KCNG3: variants seen among roughly 807,000 people sequenced by gnomAD.
KCNG3 encodes potassium voltage-gated channel modifier subfamily G member 3, also known as voltage-gated potassium channel regulatory subunit KCNG3.
Under a neutral mutation model 29.0 loss-of-function variants are expected in KCNG3, and 15 were observed. That is an observed-to-expected ratio of 0.52 (90% confidence interval 0.35 to 0.80). KCNG3 has a LOEUF of 0.80. Ranked by LOEUF, KCNG3 falls within the 30% of genes least tolerant of loss-of-function variation. The pLI is 0.01. For synonymous variants in KCNG3, 322 were observed against 248.9 expected, an observed-to-expected ratio of 1.29 and a Z score of -2.76; for missense variants, 512 against 605.7, an observed-to-expected ratio of 0.85 and a Z score of 1.62.
chr2:42,483,526 C>T (rs1232243376), intron 1 of KCNG3, among the ~76,000 whole-genome samples: 2 of 152,304 alleles, frequency 1.3e-5, no homozygotes, highest in Non-Finnish European at 2.9e-5. Context: ...GCGCCACTGA[C>T]CCACTGTGTG....
rs74363642 is a variant in KCNG3, at chr2:42,454,021, T to A, written c.666-9442A>T. ...AAAGTTAATAAGGCCAATGAGCATA[T>A]GAAAAGATGCCCAACATTATTAATC... is the stretch of plus-strand genomic sequence containing the variant. On this transcript the variant is annotated intron_variant, in intron 1 of 1. Coordinates refer to ENST00000306078, the MANE Select transcript of KCNG3 (RefSeq NM_133329.6). 6.4e-3 allele frequency among the ~76,000 whole-genome samples: 969 copies of A among 150,704 alleles called. 9 individuals are homozygous for A. Among genetic ancestry groups the A allele is most frequent in the African/African-American group, 0.023 (931 of 40,972 alleles).
downstream of KCNG3, among the ~76,000 whole-genome samples, chr2:42,439,324 C>T (rs1336425711): frequency 4.0e-5 from 6 of 151,800 alleles, no homozygotes; most frequent in East Asian, 3.9e-4. Context: ...TACAGTGGCA[C>T]GATCTCAGCT....
At chr2:42,410,672 A>T in the KCNG3 span, among the ~76,000 whole-genome samples, 3 of 152,144 alleles carry the variant, frequency 2.0e-5, no homozygotes, top group Admixed American at 2.0e-4. Context: ...TTTATTGATT[A>T]TTGATCATAA....
the KCNG3 span, among the ~76,000 whole-genome samples, chr2:42,429,060 G>A: frequency 1.3e-5 from 2 of 151,882 alleles, no homozygotes; most frequent in African/African-American, 2.4e-5. Flanking sequence ...GGGAGGTTGC[G>A]GTGAGCCAAG....
chr2:42,482,555 T>C (rs113590590), intron 1 of KCNG3, among the ~76,000 whole-genome samples: 1 of 151,440 alleles, frequency 6.6e-6, no homozygotes, highest in Non-Finnish European at 1.5e-5. Flanking sequence ...AAACTCCGTC[T>C]CTACTAAAAA....
At chr2:42,403,612 CTTTT>C in the KCNG3 span, among the ~76,000 whole-genome samples, 61 of 130,884 alleles carry the variant, frequency 4.7e-4, no homozygotes, top group African/African-American at 1.8e-3. Flanking sequence ...CTCTACGTGA[CTTTT>C]TTTTCTTTTT....
At chr2:42,445,765 C>T (rs555112163) in intron 1 of KCNG3, among the ~76,000 whole-genome samples, 24 of 152,028 alleles carry the variant, frequency 1.6e-4, no homozygotes, top group Admixed American at 8.5e-4. Context: ...TTCACGCTAT[C>T]GCCCAGGCTG....
rs1673973269 is a variant in KCNG3, at chr2:42,493,529, C to G, written c.-28G>C. 1 of 1,336,424 alleles carries G rather than the reference C, an allele frequency of 7.5e-7. No individual in the cohort carries two copies. The highest frequency in any genetic ancestry group is 9.5e-7 in the Non-Finnish European group (1 of 1,050,884). 82.8% of individuals were successfully genotyped at this position (1,336,424 alleles called of 1,614,324 possible). On this transcript the variant is annotated 5_prime_UTR_variant, in exon 1 of 2. Coordinates refer to ENST00000306078, the MANE Select transcript of KCNG3 (RefSeq NM_133329.6). ...CTGGCCGCCCGGGGGACTTTCGGCC[C>G]GAGGGCCCCGCTGCAGCCCCCCACC...
chr2:42,396,585 A>C, the KCNG3 span, among the ~76,000 whole-genome samples: 3 of 152,180 alleles, frequency 2.0e-5, no homozygotes, highest in African/African-American at 7.2e-5. Flanking sequence ...TTTCTACCTG[A>C]GTCCACAAGG....
chr2:42,474,157 C>T (rs971955920), intron 1 of KCNG3, among the ~76,000 whole-genome samples: 2 of 151,434 alleles, frequency 1.3e-5, no homozygotes, highest in African/African-American at 4.9e-5. Flanking sequence ...GCTATTTTGA[C>T]TTAGTGACCT....
intron 1 of KCNG3, among the ~76,000 whole-genome samples, chr2:42,469,106 T>C (rs925448681): frequency 6.6e-6 from 1 of 151,300 alleles, no homozygotes; most frequent in Non-Finnish European, 1.5e-5. Flanking sequence ...TAAGACAGTA[T>C]AGTGTGAATG....
At chr2:42,465,993 T>C (rs1176888953) in intron 1 of KCNG3, among the ~76,000 whole-genome samples, 5 of 152,226 alleles carry the variant, frequency 3.3e-5, no homozygotes, top group African/African-American at 1.2e-4. Context: ...TGAAACCGTA[T>C]ACAGTCATAC....
intron 1 of KCNG3, among the ~76,000 whole-genome samples, chr2:42,485,656 G>T (rs959726198): frequency 6.6e-6 from 1 of 152,252 alleles, no homozygotes; most frequent in East Asian, 1.9e-4. Flanking sequence ...CACCGTGTTA[G>T]CCAGGATGGT....
intron 1 of KCNG3, among the ~76,000 whole-genome samples, chr2:42,455,604 C>G (rs1294647160): frequency 6.6e-6 from 1 of 151,988 alleles, no homozygotes; most frequent in Admixed American, 6.6e-5. Context: ...CTCATCTTTA[C>G]TAAAAATTTT....
At chr2:42,438,580 TG>T (rs1354761234), downstream of KCNG3, among the ~76,000 whole-genome samples, 4 of 152,242 alleles carry the variant, frequency 2.6e-5, no homozygotes, top group Admixed American at 1.3e-4. Flanking sequence ...CTACTTAAAA[TG>T]TATTTGTTTA....
chr2:42,490,332 T>C (rs1192669139), intron 1 of KCNG3, among the ~76,000 whole-genome samples: 1 of 152,092 alleles, frequency 6.6e-6, no homozygotes, highest in Non-Finnish European at 1.5e-5. Flanking sequence ...TCCTAGCACT[T>C]TGGAAGGCCG....
intron 1 of KCNG3, chr2:42,469,834 T>C (rs999894203): frequency 5.1e-6 from 1 of 197,522 alleles, no homozygotes. Flanking sequence ...GCATGCATGC[T>C]CCCAGGAAGG....
the KCNG3 span, among the ~76,000 whole-genome samples, chr2:42,419,864 G>A: frequency 6.6e-5 from 10 of 152,344 alleles, no homozygotes; most frequent in South Asian, 2.1e-4. Context: ...ACTAGCAAGA[G>A]AGCAGAGACT....
intron 1 of KCNG3, among the ~76,000 whole-genome samples, chr2:42,491,666 T>C (rs1348961563): frequency 2.0e-5 from 3 of 152,314 alleles, no homozygotes; most frequent in Middle Eastern, 3.4e-3. Context: ...GTATCTTCGA[T>C]TTCAAGCCAA....
Sources: gnomAD v4.1 joint callset for allele counts (sites outside exome capture counted in the v4.1 genomes callset) on GRCh38, gnomAD v4.1.1 for gene constraint, MANE v1.5 for transcripts, NCBI Gene and HGNC (gene_info 2026-07-23, HGNC 2026-07-21) for gene names.